SND1: variants seen among roughly 807,000 people sequenced by gnomAD.
The protein encoded by SND1 is staphylococcal nuclease and tudor domain containing 1.
A neutral mutation model predicts 121.7 loss-of-function variants in SND1; 38 were observed. That is an observed-to-expected ratio of 0.31 (90% CI 0.24 to 0.41). The LOEUF (loss-of-function observed/expected upper bound fraction) is 0.41, where lower values mean the gene tolerates loss of function less well. SND1 is among the 10% of genes least tolerant of loss of function. The pLI is 1.00. For synonymous variants in SND1, 401 were observed against 447.4 expected, an observed-to-expected ratio of 0.90 and a Z score of 1.31; for missense variants, 868 against 1,184.6, an observed-to-expected ratio of 0.73 and a Z score of 3.92.
chr7:127,825,697 C>G (rs992624272), intron 11 of SND1, among the ~76,000 whole-genome samples: 1 of 152,128 alleles, frequency 6.6e-6, no homozygotes, highest in Non-Finnish European at 1.5e-5. Flanking sequence ...TGAGCCACCG[C>G]ACCTGGCCAG....
chr7:127,973,095 G>T (rs1219585456), intron 15 of SND1, among the ~76,000 whole-genome samples: 4 of 152,224 alleles, frequency 2.6e-5, no homozygotes, highest in Non-Finnish European at 1.5e-5. Flanking sequence ...CGCAGAGTGG[G>T]AATGAAGAGG....
intron 10 of SND1, among the ~76,000 whole-genome samples, chr7:127,785,431 G>A (rs1797794467): frequency 1.3e-5 from 2 of 152,164 alleles, no homozygotes; most frequent in Non-Finnish European, 2.9e-5. Flanking sequence ...CAGAAGGAAA[G>A]AGAAAAATCT....
At chr7:127,701,395 G>A in intron 5 of SND1, 72 bp downstream of exon 5, 1 of 1,502,166 alleles carries the variant, frequency 6.7e-7, no homozygotes, top group South Asian at 1.3e-5. Context: ...GCTTCTTGAG[G>A]TTTGTAAAAT....
Position 127,686,664 on chromosome 7 carries a change from C to T in SND1, c.130C>T (p.Pro44Ser). The T allele has an allele frequency of 6.2e-7, 1 of 1,614,178 alleles. No homozygotes were observed. Among genetic ancestry groups the T allele is most frequent in the Non-Finnish European group, 8.5e-7 (1 of 1,180,028 alleles). ...CCGAGGTCAGCCTCGTGGTGGGCCTCCTCCTGAGCGGCAGATCAACCTCAG... is the reference window on the plus strand; with the variant it reads ...CCGAGGTCAGCCTCGTGGTGGGCCTTCTCCTGAGCGGCAGATCAACCTCAG... The part of the protein sequence containing the change: ...IVRGQPRGGP[P>S]PERQINLSNI... Residue 44 changes from proline to serine, a missense_variant, in exon 2 of 24, where the codon CCT (proline) becomes TCT (serine). Coordinates refer to ENST00000354725, the MANE Select transcript of SND1 (RefSeq NM_014390.4).
At chr7:127,865,866 A>C (rs1799462554) in intron 12 of SND1, among the ~76,000 whole-genome samples, 1 of 151,722 alleles carries the variant, frequency 6.6e-6, no homozygotes, top group Admixed American at 6.6e-5. Context: ...GTTAAATCAT[A>C]ACTTCATCTA....
At chr7:127,841,799 C>T (rs1798970875) in intron 11 of SND1, among the ~76,000 whole-genome samples, 1 of 152,188 alleles carries the variant, frequency 6.6e-6, no homozygotes, top group South Asian at 2.1e-4. Flanking sequence ...ACATTTCTCA[C>T]ATTTTTACTC....
chr7:128,010,331 T>G (rs1313414123), intron 16 of SND1, among the ~76,000 whole-genome samples: 3 of 152,192 alleles, frequency 2.0e-5, no homozygotes, highest in Non-Finnish European at 4.4e-5. Context: ...CTTGACAAAA[T>G]CATTTCACCT....
chr7:128,091,532 T>C (rs1309858599), intron 22 of SND1, among the ~76,000 whole-genome samples: 1 of 152,092 alleles, frequency 6.6e-6, no homozygotes, highest in African/African-American at 2.4e-5. Context: ...TTAAATGGGG[T>C]TGCCCGAGAC....
chr7:127,894,032 G>C (rs149738582), intron 13 of SND1, among the ~76,000 whole-genome samples: 2,793 of 152,142 alleles, frequency 0.018, 61 homozygotes, highest in African/African-American at 0.046. Flanking sequence ...TAGGAAATCT[G>C]TGCTGGCATT....
intron 13 of SND1, among the ~76,000 whole-genome samples, chr7:127,889,483 G>A (rs1423451190): frequency 6.6e-6 from 1 of 151,844 alleles, no homozygotes; most frequent in Non-Finnish European, 1.5e-5. Flanking sequence ...TGGGGTATCT[G>A]TCCTCTCAAG....
rs746920626 is a variant in SND1, at chr7:127,660,138, T to C, written c.78+7687T>C. 5.9e-5 allele frequency among the ~76,000 whole-genome samples: 9 copies of C among 152,152 alleles called. No individual in the cohort carries two copies. In the South Asian group the frequency reaches 1.2e-3, roughly 21 times the overall value. On this transcript the variant is annotated intron_variant, in intron 1 of 23. Coordinates refer to ENST00000354725, the MANE Select transcript of SND1 (RefSeq NM_014390.4). Reference sequence around the variant, plus strand: ...AATGGTGGGGTGGAGAGAGGGTAGATAGAAGTAAGGGGAGTTCTTGGTTTC... The same window carrying C: ...AATGGTGGGGTGGAGAGAGGGTAGACAGAAGTAAGGGGAGTTCTTGGTTTC...
chr7:127,679,252 T>C (rs553405648), intron 1 of SND1: 4 of 152,362 alleles, frequency 2.6e-5, no homozygotes, highest in Admixed American at 2.0e-4. Flanking sequence ...TTTATACTTA[T>C]AGCCGCTTCT....
At chr7:127,785,234 G>C (rs1797790795) in intron 10 of SND1, among the ~76,000 whole-genome samples, 1 of 152,162 alleles carries the variant, frequency 6.6e-6, no homozygotes, top group Non-Finnish European at 1.5e-5. Flanking sequence ...TTGACCAGTG[G>C]AAGGAAGGAA....
chr7:127,666,012 A>G (rs1487365443), intron 1 of SND1, among the ~76,000 whole-genome samples: 3 of 152,120 alleles, frequency 2.0e-5, no homozygotes, highest in Non-Finnish European at 4.4e-5. Context: ...TACTTGCATT[A>G]TTGCTCTTGG....
intron 15 of SND1, among the ~76,000 whole-genome samples, chr7:127,940,376 A>C (rs997526697): frequency 1.3e-5 from 2 of 152,162 alleles, no homozygotes; most frequent in African/African-American, 4.8e-5. Context: ...TTGACAAGCT[A>C]CTGTGCTACT....
At chr7:127,702,956 G>T (rs1796129119) in intron 6 of SND1, among the ~76,000 whole-genome samples, 1 of 152,180 alleles carries the variant, frequency 6.6e-6, no homozygotes, top group African/African-American at 2.4e-5. Flanking sequence ...GATAATGTGA[G>T]TTTTATTGTC....
chr7:128,037,709 G>A (rs762670721), intron 16 of SND1, among the ~76,000 whole-genome samples: 1 of 152,190 alleles, frequency 6.6e-6, no homozygotes, highest in Non-Finnish European at 1.5e-5. Context: ...GAGCTGTGTG[G>A]CTGTTGGGTC....
At chr7:127,786,094 CT>C (rs796712033) in intron 10 of SND1, among the ~76,000 whole-genome samples, 65 of 147,088 alleles carry the variant, frequency 4.4e-4, no homozygotes, top group Admixed American at 5.4e-4. Context: ...TGTTGACATC[CT>C]TTTTTTTTTT....
intron 16 of SND1, among the ~76,000 whole-genome samples, chr7:128,021,942 G>A (rs180950333): frequency 6.6e-5 from 10 of 152,216 alleles, no homozygotes; most frequent in African/African-American, 9.6e-5. Flanking sequence ...AGTGGCTGAC[G>A]CCTGTAATCC....
Sources: gnomAD v4.1 joint callset for allele counts (sites outside exome capture counted in the v4.1 genomes callset) on GRCh38, gnomAD v4.1.1 for gene constraint, MANE v1.5 for transcripts, NCBI Gene and HGNC (gene_info 2026-07-23, HGNC 2026-07-21) for gene names.